RORA: variants seen among roughly 807,000 people sequenced by gnomAD.
RORA encodes the protein RAR related orphan receptor A.
In RORA, 7 loss-of-function variants were observed where a neutral mutation model predicts 69.5. That is an observed-to-expected ratio of 0.10 (90% CI 0.06 to 0.19). RORA has a LOEUF of 0.19. Ranked by LOEUF, RORA falls within the 10% of genes least tolerant of loss-of-function variation. The pLI, the probability that RORA is intolerant of heterozygous loss-of-function variation, is 1.00. For synonymous variants in RORA, 261 were observed against 240.8 expected (o/e 1.08, Z -0.78); for missense variants, 457 against 663.0 (o/e 0.69, Z 3.41).
In RORA at chr15:60,511,406, C is replaced by T; in HGVS notation, c.640G>A (p.Ala214Thr). The T allele has an allele frequency of 3.7e-6, 6 of 1,614,198 alleles. No individual in the cohort carries two copies. Among genetic ancestry groups the T allele is most frequent in the Non-Finnish European group, 5.1e-6 (6 of 1,180,038 alleles). Residue 214 changes from alanine to threonine, a missense_variant, in exon 5 of 11, where the codon GCA becomes ACA. By Grantham distance (58) the Ala-to-Thr change is moderately conservative (BLOSUM62 0). Coordinates refer to ENST00000335670, the MANE Select transcript of RORA (RefSeq NM_134261.3). The surrounding 1 kb of genome is among the most constrained non-coding windows in gnomAD (Gnocchi z 6.4). Reference sequence around the variant, plus strand: ...TAGAAGCTGCTGACGGCGGAGTCTGCCTTACTCCCCTCAGGGGTGTGCCCG... The same window carrying T: ...TAGAAGCTGCTGACGGCGGAGTCTGTCTTACTCCCCTCAGGGGTGTGCCCG... ...IDGHTPEGSK[A>T]DSAVSSFYLD...
intron 1 of RORA, among the ~76,000 whole-genome samples, chr15:61,006,534 G>A (rs1345695916): frequency 6.6e-6 from 1 of 152,142 alleles, no homozygotes; most frequent in African/African-American, 2.4e-5. Context: ...AAGGTCACTT[G>A]ACTCCATGAA....
chr15:60,939,187 C>T (rs1892614851), intron 1 of RORA, among the ~76,000 whole-genome samples: 1 of 152,194 alleles, frequency 6.6e-6, no homozygotes, highest in Non-Finnish European at 1.5e-5. Context: ...CACTCATTCA[C>T]TCACTCATTC....
At chr15:60,516,070 TA>T (rs2065903758) in intron 3 of RORA, among the ~76,000 whole-genome samples, 4 of 67,792 alleles carry the variant, frequency 5.9e-5, no homozygotes, top group African/African-American at 1.5e-4. Context: ...TATATATTTA[TA>T]TATATTTATT....
At chr15:61,045,979 C>G (rs1454609713) in intron 1 of RORA, among the ~76,000 whole-genome samples, 1 of 152,194 alleles carries the variant, frequency 6.6e-6, no homozygotes, top group Non-Finnish European at 1.5e-5. Context: ...GCAACCCCCA[C>G]TGCAACAACC....
chr15:61,186,275 C>T (rs1248833000), intron 1 of RORA, among the ~76,000 whole-genome samples: 1 of 152,136 alleles, frequency 6.6e-6, no homozygotes, highest in Non-Finnish European at 1.5e-5. Context: ...CATCCAGTAT[C>T]AGCCCCAGGA....
intron 3 of RORA, among the ~76,000 whole-genome samples, chr15:60,516,031 A>C (rs1181674981): frequency 9.6e-5 from 1 of 10,382 alleles, no homozygotes; most frequent in Non-Finnish European, 2.0e-4. Flanking sequence ...TTATATATTT[A>C]TATATATTTA....
At chr15:60,792,683 G>C (rs1250225756) in intron 1 of RORA, among the ~76,000 whole-genome samples, 2 of 152,134 alleles carry the variant, frequency 1.3e-5, no homozygotes, top group African/African-American at 4.8e-5. Context: ...ACCCAGAATT[G>C]TATCTTCAGG....
At chr15:60,798,287 C>A (rs2072527258) in intron 1 of RORA, among the ~76,000 whole-genome samples, 1 of 150,430 alleles carries the variant, frequency 6.6e-6, no homozygotes, top group Admixed American at 6.6e-5. Context: ...AGTGTACTTA[C>A]AAAATATGTA....
At chr15:61,149,614 G>A (rs2079380878) in intron 1 of RORA, among the ~76,000 whole-genome samples, 1 of 152,112 alleles carries the variant, frequency 6.6e-6, no homozygotes. Flanking sequence ...AAAATACCCT[G>A]ACCCCATGAT....
At chr15:61,101,442 T>C (rs577990210) in intron 1 of RORA, among the ~76,000 whole-genome samples, 10 of 152,124 alleles carry the variant, frequency 6.6e-5, no homozygotes, top group Non-Finnish European at 1.2e-4. Context: ...GGGAACAAGA[T>C]GTGCAAGGGC....
At chr15:60,678,574 T>C in intron 2 of RORA, 83 bp downstream of exon 2, 4 of 1,032,416 alleles carry the variant, frequency 3.9e-6, no homozygotes, top group South Asian at 3.9e-5. Context: ...CATTAGTATA[T>C]ACTTGAAGGG....
intron 1 of RORA, among the ~76,000 whole-genome samples, chr15:60,767,189 T>A: frequency 6.6e-6 from 1 of 152,186 alleles, no homozygotes; most frequent in South Asian, 2.1e-4. Context: ...TTGGGATATA[T>A]ATTTTTTTCT....
intron 1 of RORA, among the ~76,000 whole-genome samples, chr15:61,098,545 G>A (rs1595984125): frequency 6.6e-6 from 1 of 152,010 alleles, no homozygotes; most frequent in East Asian, 1.9e-4. Flanking sequence ...GTCTCACTAT[G>A]TTGCCCAGGC....
chr15:60,706,586 G>A (rs947561870), intron 1 of RORA, among the ~76,000 whole-genome samples: 1 of 152,174 alleles, frequency 6.6e-6, no homozygotes, highest in African/African-American at 2.4e-5. Context: ...AGTCTTGAGA[G>A]AGGGAAGTAT....
At chr15:60,872,886 G>A (rs573214485) in intron 1 of RORA, among the ~76,000 whole-genome samples, 2 of 151,912 alleles carry the variant, frequency 1.3e-5, no homozygotes, top group Non-Finnish European at 2.9e-5. Flanking sequence ...ATATTGTTTA[G>A]TGCTATGTGC....
intron 1 of RORA, among the ~76,000 whole-genome samples, chr15:60,799,648 G>C (rs115328524): frequency 3.2e-4 from 48 of 152,188 alleles, no homozygotes; most frequent in African/African-American, 1.2e-3. Flanking sequence ...CCACCACCAA[G>C]ATACTAAGTA....
intron 1 of RORA, among the ~76,000 whole-genome samples, chr15:61,209,341 T>G (rs1454872920): frequency 1.3e-5 from 2 of 152,086 alleles, no homozygotes; most frequent in Non-Finnish European, 2.9e-5. Context: ...TGGGTTTCAC[T>G]ACTGTGATTT....
In RORA at chr15:61,036,564, C is replaced by T. The variant is rs542228523; in HGVS notation, c.166+192489G>A. 4.6e-5 allele frequency among the ~76,000 whole-genome samples: 7 copies of T among 152,170 alleles called. No individual in the cohort carries two copies. In the South Asian group the frequency reaches 8.3e-4, roughly 18 times the overall value. On this transcript the variant is annotated intron_variant, in intron 1 of 10. Coordinates refer to ENST00000335670, the MANE Select transcript of RORA (RefSeq NM_134261.3). ...GGCCCTTAATTGGAGCAGGTCTGCG[C>T]GTTTTAATAAACATCTTTGATGAGT... is the stretch of plus-strand genomic sequence containing the variant.
At position 60,546,342 on chromosome 15, in the gene RORA, G is replaced by A. The variant is rs534233860; in HGVS notation, c.197-14491C>T. The A allele has an allele frequency of 5.3e-5, 8 of 152,286 alleles. No individual in the cohort carries two copies. In the South Asian group the frequency reaches 1.7e-3, roughly 32 times the overall value. 9.4% of individuals were successfully genotyped at this position (152,286 alleles called of 1,614,324 possible). A position where few individuals can be genotyped will look rare whatever the true frequency, so the allele number is the denominator to read the frequency against. ...AGTAATTGTTAAACTAAAGGAAACT[G>A]GTCACAAATACTTTAGCAGTGGCTA... On this transcript the variant is annotated intron_variant, in intron 2 of 10. Transcript: ENST00000335670.
Sources: gnomAD v4.1 joint callset for allele counts (sites outside exome capture counted in the v4.1 genomes callset) on GRCh38, gnomAD v4.1.1 for gene constraint, Gnocchi (gnomAD v3.1) non-coding constraint, MANE v1.5 for transcripts, NCBI Gene and HGNC (gene_info 2026-07-23, HGNC 2026-07-21) for gene names.